STARD8: variants seen among roughly 807,000 people sequenced by gnomAD.
The protein encoded by STARD8 is StAR related lipid transfer domain containing 8.
Under a neutral mutation model 69.4 loss-of-function variants are expected in STARD8, and 25 were observed. That is an observed-to-expected ratio of 0.36 (90% CI 0.26 to 0.50). The LOEUF is 0.50. Among genes scored for constraint, STARD8 ranks in the 20% least tolerant of loss-of-function variants. The pLI is 0.96. For synonymous variants in STARD8, 389 were observed against 374.6 expected (o/e 1.04, Z -0.45); for missense variants, 921 against 932.5 (o/e 0.99, Z 0.16).
Position 68,722,308 on chromosome X carries a change from A to C in STARD8, c.2575-114A>C, listed in dbSNP as rs776711510. 27 of 849,682 alleles carry C rather than the reference A, an allele frequency of 3.2e-5. No homozygotes were observed. In the African/African-American group the frequency reaches 4.5e-4, roughly 14 times the overall value. The allele number at this position is 849,682 out of a possible 1,213,427, so 70.0% of individuals were successfully genotyped here. A position where few individuals can be genotyped will look rare whatever the true frequency, so the allele number is the denominator to read the frequency against. On this transcript the variant is annotated intron_variant, in intron 11 of 14. Coordinates refer to ENST00000374599, the MANE Select transcript of STARD8 (RefSeq NM_001142503.3). The stretch of plus-strand genomic sequence containing the variant: ...CAACTCTTCCCCCACAATGTTTCTC[A>C]TCTACCTTGCTGTGGTAGCTGCACC...
intron 4 of STARD8, among the ~76,000 whole-genome samples, chrX:68,715,662 C>T (rs1402727834): frequency 3.6e-5 from 4 of 111,946 alleles, no homozygotes; most frequent in Non-Finnish European, 7.5e-5. Flanking sequence ...CAGCTTGGCC[C>T]TTGTTTGAGG....
At chrX:68,705,178 C>G (rs1194755904) in intron 2 of STARD8, among the ~76,000 whole-genome samples, 3 of 112,530 alleles carry the variant, frequency 2.7e-5, no homozygotes, top group Non-Finnish European at 3.8e-5. Flanking sequence ...ACTAATGGAG[C>G]AACTGCAGCA....
chrX:68,718,601 G>T lies in STARD8; in HGVS notation c.1687G>T (p.Val563Phe), dbSNP rs1167537115. The T allele has an allele frequency of 1.7e-6, 2 of 1,205,808 alleles. No individual in the cohort carries two copies. Among genetic ancestry groups the T allele is most frequent in the African/African-American group, 3.5e-5 (2 of 57,870 alleles). ...SMPRERRDSG[V>F]GASLTRPCRK... is the part of the protein sequence containing the mutation. The stretch of plus-strand genomic sequence containing the variant: ...GCCCCGTGAACGGCGCGATTCAGGT[G>T]TTGGGGCCTCACTTACCAGACCCTG... The change falls in exon 6 of 15, where the codon GTT becomes TTT. Residue 563 changes from valine (V) to phenylalanine (F), a missense_variant. Transcript: ENST00000374599.
intron 1 of STARD8, chrX:68,656,537 TA>T (rs2079611594): frequency 8.9e-6 from 1 of 112,131 alleles, no homozygotes; most frequent in Admixed American, 9.5e-5. Context: ...ATCATGCTGC[TA>T]ATAAAGACAC....
chrX:68,715,277 TTC>T lies in STARD8; in HGVS notation c.152-11_152-10del. The T allele has an allele frequency of 8.4e-7, 1 of 1,197,534 alleles. No homozygotes were observed. Among genetic ancestry groups the T allele is most frequent in the African/African-American group, 1.7e-5 (1 of 57,601 alleles). On this transcript the variant is annotated splice_polypyrimidine_tract_variant and intron_variant, in intron 3 of 14. Transcript: ENST00000374599. ...GATATACCACTGCACTCATCTTTGC[TTC>T]TCTCTGCCATACAGAAGGTTCGTTT...
chrX:68,662,704 C>T (rs777752669), intron 1 of STARD8, among the ~76,000 whole-genome samples: 1 of 111,924 alleles, frequency 8.9e-6, no homozygotes. Flanking sequence ...TGAACAACTG[C>T]TTAGCTTTCA....
intron 1 of STARD8, among the ~76,000 whole-genome samples, chrX:68,650,657 A>T (rs745336591): frequency 2.7e-4 from 30 of 110,449 alleles, no homozygotes; most frequent in Non-Finnish European, 4.7e-4. Context: ...ATTTAAAATT[A>T]GTCAGGCATG....
At chrX:68,667,566 T>C (rs1042825466) in intron 2 of STARD8, among the ~76,000 whole-genome samples, 49 of 111,548 alleles carry the variant, frequency 4.4e-4, no homozygotes, top group Non-Finnish European at 7.7e-4. Context: ...AAGTCTCTTC[T>C]CACCCCAAGT....
chrX:68,649,471 C>T (rs1355490420), intron 1 of STARD8, among the ~76,000 whole-genome samples: 5 of 109,919 alleles, frequency 4.5e-5, no homozygotes, highest in Non-Finnish European at 9.5e-5. Flanking sequence ...GATTTTTCAA[C>T]CATCTGTGGT....
chrX:68,665,722 G>C (rs746302376), intron 2 of STARD8, among the ~76,000 whole-genome samples, 190 bp downstream of exon 2: 1 of 112,151 alleles, frequency 8.9e-6, no homozygotes, highest in Non-Finnish European at 1.9e-5. Context: ...TTTGGCTCAC[G>C]TGCAGAGCCT....
chrX:68,685,077 T>C (rs2079823096), intron 2 of STARD8, among the ~76,000 whole-genome samples: 1 of 112,311 alleles, frequency 8.9e-6, no homozygotes, highest in African/African-American at 3.2e-5. Context: ...AACTGGAAAC[T>C]GCACTTCCTT....
intron 2 of STARD8, 82 bp from the exon 3 acceptor site, chrX:68,712,832 G>A (rs2080061406): frequency 1.1e-6 from 1 of 925,146 alleles, no homozygotes; most frequent in African/African-American, 2.0e-5. Flanking sequence ...GCTGGGGTTG[G>A]GCAGCATGCA....
chrX:68,724,696 T>C lies in STARD8; in HGVS notation c.*274T>C, dbSNP rs1172375571. ...AGAATCGCATGAGTAGCAAGACTGC[T>C]GCCACCAGCCACCTGCTTGTGAGGC... On this transcript the variant is annotated 3_prime_UTR_variant, in exon 15 of 15. Coordinates refer to ENST00000374599, the MANE Select transcript of STARD8 (RefSeq NM_001142503.3). 7.8e-6 allele frequency: 2 copies of C among 257,081 alleles called. No homozygotes were observed. The highest frequency in any genetic ancestry group is 5.6e-5 in the African/African-American group (2 of 36,002). The allele number at this position is 257,081 out of a possible 1,213,427, so 21.2% of individuals were successfully genotyped here.
chrX:68,657,456 C>A (rs1344948654), intron 1 of STARD8, among the ~76,000 whole-genome samples: 1 of 112,099 alleles, frequency 8.9e-6, no homozygotes, highest in Non-Finnish European at 1.9e-5. Context: ...TCATCTCATG[C>A]AGCTTACTGT....
intron 1 of STARD8, among the ~76,000 whole-genome samples, chrX:68,658,159 C>A (rs1037270744): frequency 1.8e-5 from 2 of 111,807 alleles, no homozygotes; most frequent in Non-Finnish European, 3.8e-5. Context: ...GTGATACTAG[C>A]TAATATTTGT....
chrX:68,722,774 GT>G, intron 12 of STARD8, 128 bp downstream of exon 12: 1 of 615,333 alleles, frequency 1.6e-6, no homozygotes, highest in East Asian at 3.6e-5. Flanking sequence ...CCTCGGCCTG[GT>G]CCTTGGAGAA....
intron 3 of STARD8, among the ~76,000 whole-genome samples, chrX:68,714,996 G>T (rs772592582): frequency 3.8e-4 from 43 of 111,777 alleles, no homozygotes; most frequent in African/African-American, 1.3e-3. Context: ...AAGGGGAATG[G>T]GGGAGCCCGT....
chrX:68,653,217 A>C (rs2079577068), intron 1 of STARD8, among the ~76,000 whole-genome samples: 2 of 38,315 alleles, frequency 5.2e-5, no homozygotes, highest in South Asian at 1.8e-3. Context: ...CACACCACAC[A>C]ACATACACAC....
At chrX:68,663,048 TTCTTCTAGAGTGGCTG>T (rs1251580608) in intron 1 of STARD8, among the ~76,000 whole-genome samples, 3 of 112,251 alleles carry the variant, frequency 2.7e-5, no homozygotes, top group African/African-American at 9.7e-5. Context: ...AATCCTGGTC[TTCTTCTAGAGTGGCTG>T]TCTTTATAAC....
Sources: allele counts gnomAD v4.1 joint callset (sites outside exome capture counted in the v4.1 genomes callset), GRCh38; gene constraint gnomAD v4.1.1; transcripts MANE v1.5; gene names NCBI Gene and HGNC (gene_info 2026-07-23, HGNC 2026-07-21).